The following MACROD2 variants were observed in gnomAD, a reference collection of about 807,000 sequenced individuals.
MACROD2 encodes ADP-ribose glycohydrolase MACROD2.
A neutral mutation model predicts 70.4 loss-of-function variants in MACROD2; 36 were observed. The ratio of observed to expected loss-of-function variants is 0.51; its 90% CI spans 0.39 to 0.68. The LOEUF (loss-of-function observed/expected upper bound fraction) is 0.68, where lower values mean the gene tolerates loss of function less well. Among genes scored for constraint, MACROD2 ranks in the 30% least tolerant of loss-of-function variants. MACROD2 has a pLI of 0.00. For missense variants in MACROD2, 496 were observed against 538.4 expected, an observed-to-expected ratio of 0.92 and a Z score of 0.78; for synonymous variants, 172 against 178.8, an observed-to-expected ratio of 0.96 and a Z score of 0.30.
At chr20:14,752,670 A>T (rs2071888981) in intron 5 of MACROD2, among the ~76,000 whole-genome samples, 1 of 152,112 alleles carries the variant, frequency 6.6e-6, no homozygotes, top group African/African-American at 2.4e-5. Context: ...CATTGAATGG[A>T]TAGAGGTAAA....
intron 8 of MACROD2, among the ~76,000 whole-genome samples, chr20:15,785,796 A>G (rs1385383779): frequency 6.6e-6 from 1 of 152,292 alleles, no homozygotes; most frequent in East Asian, 1.9e-4. Flanking sequence ...TCTGCACAAA[A>G]TAGCCACCCT....
chr20:15,767,403 T>A (rs1263477573), intron 8 of MACROD2, among the ~76,000 whole-genome samples: 2 of 152,206 alleles, frequency 1.3e-5, no homozygotes, highest in East Asian at 1.9e-4. Flanking sequence ...TTTATTGCAA[T>A]AATTTCCTGG....
rs559978516 is a variant in MACROD2, at chr20:14,972,755, ACT to A, written c.419-257180_419-257179del. ...GAGGAGTGCTTACAATTTCCATCTT[ACT>A]CTCTGCACATGAAGAGAATTCTGGA... is the stretch of plus-strand genomic sequence containing the variant. On this transcript the variant is annotated intron_variant, in intron 5 of 17. Transcript: ENST00000684519. Among the ~76,000 whole-genome samples, 21 of 152,238 alleles carry A rather than the reference ACT, an allele frequency of 1.4e-4. No homozygotes were observed. The South Asian group carries it at 4.4e-3, about 32-fold the overall frequency.
chr20:14,355,932 C>T (rs2083168258), intron 3 of MACROD2, among the ~76,000 whole-genome samples: 1 of 152,076 alleles, frequency 6.6e-6, no homozygotes, highest in Admixed American at 6.6e-5. Flanking sequence ...GGTAGTGTGT[C>T]TTTCCCGATA....
chr20:14,563,807 C>G lies in MACROD2; in HGVS notation c.301+70299C>G, dbSNP rs115692875. 8.2e-3 allele frequency among the ~76,000 whole-genome samples: 1,249 copies of G among 152,004 alleles called. 15 individuals carry two copies. The highest frequency in any genetic ancestry group is 0.028 in the African/African-American group (1,149 of 41,484). ...TGACAGTCAAGCTATGCAATCCTATCAAATTACCAACATCGTTTTTCCCAG... is the reference window on the plus strand; with the variant it reads ...TGACAGTCAAGCTATGCAATCCTATGAAATTACCAACATCGTTTTTCCCAG... On this transcript the variant is annotated intron_variant, in intron 4 of 17. Transcript: ENST00000684519.
intron 6 of MACROD2, among the ~76,000 whole-genome samples, chr20:15,345,115 G>T (rs2078151005): frequency 6.6e-6 from 1 of 152,152 alleles, no homozygotes. Flanking sequence ...TAATTAATGA[G>T]AGCTCTATCC....
chr20:15,430,764 A>C (rs1028495883), intron 6 of MACROD2, among the ~76,000 whole-genome samples: 1 of 151,956 alleles, frequency 6.6e-6, no homozygotes, highest in African/African-American at 2.4e-5. Flanking sequence ...CACAATTTAC[A>C]TATAATAATA....
chr20:14,728,430 A>G (rs1949979352), intron 5 of MACROD2, among the ~76,000 whole-genome samples: 1 of 152,196 alleles, frequency 6.6e-6, no homozygotes. Flanking sequence ...ATGCAATTTT[A>G]TATAGCATAC....
intron 3 of MACROD2, among the ~76,000 whole-genome samples, chr20:14,274,686 A>G (rs181343620): frequency 3.2e-4 from 48 of 152,284 alleles, no homozygotes; most frequent in African/African-American, 1.2e-3. Context: ...GTATTCAATT[A>G]GGAAAAGAGG....
At chr20:14,205,980 A>G (rs2081519597) in intron 3 of MACROD2, among the ~76,000 whole-genome samples, 1 of 152,232 alleles carries the variant, frequency 6.6e-6, no homozygotes, top group Admixed American at 6.5e-5. Flanking sequence ...GACAGTGCTT[A>G]TAGGAGTAAC....
intron 2 of MACROD2, among the ~76,000 whole-genome samples, chr20:14,003,189 T>C (rs1053424385): frequency 2.0e-5 from 3 of 152,188 alleles, no homozygotes; most frequent in African/African-American, 7.2e-5. Flanking sequence ...CTTAGATCGA[T>C]GGAACTACAC....
At chr20:15,743,985 A>G (rs1455527329) in intron 8 of MACROD2, among the ~76,000 whole-genome samples, 2 of 152,190 alleles carry the variant, frequency 1.3e-5, no homozygotes, top group Non-Finnish European at 2.9e-5. Flanking sequence ...GCACACAAGA[A>G]GCACCCCAGC....
chr20:15,089,758 G>A (rs1283030463), intron 5 of MACROD2, among the ~76,000 whole-genome samples: 1 of 151,948 alleles, frequency 6.6e-6, no homozygotes, highest in Non-Finnish European at 1.5e-5. Context: ...CAGTTTGCTG[G>A]TTGTGATTTC....
At chr20:15,201,957 T>C (rs2076660173) in intron 5 of MACROD2, among the ~76,000 whole-genome samples, 1 of 152,182 alleles carries the variant, frequency 6.6e-6, no homozygotes, top group Non-Finnish European at 1.5e-5. Context: ...TTGGCATGTG[T>C]ATAAAATACA....
rs140065254 is a variant in MACROD2, at chr20:15,076,894, G to A, written c.419-153046G>A. Among the ~76,000 whole-genome samples, 7 of 152,280 alleles carry A rather than the reference G, an allele frequency of 4.6e-5. No homozygotes were observed. In the East Asian group the frequency reaches 9.6e-4, roughly 21 times the overall value. On this transcript the variant is annotated intron_variant, in intron 5 of 17. Transcript: ENST00000684519. The stretch of plus-strand genomic sequence containing the variant: ...GAATTAGTGAATGAATGCAATGAAT[G>A]AGAATGCAATATCTGGTAGTTCAGA...
intron 11 of MACROD2, among the ~76,000 whole-genome samples, chr20:15,936,671 G>GTGTATATATATATATATATATATA (rs1555797416): frequency 2.4e-4 from 35 of 143,286 alleles, no homozygotes; most frequent in African/African-American, 5.7e-4. Context: ...GTATATGTGT[G>GTGTATATATATATATATATATATA]TATATATATA....
At chr20:14,454,632 T>C (rs2084279666) in intron 3 of MACROD2, among the ~76,000 whole-genome samples, 1 of 151,850 alleles carries the variant, frequency 6.6e-6, no homozygotes, top group South Asian at 2.1e-4. Flanking sequence ...TTTATCATTA[T>C]CAGATTTTTA....
At chr20:14,157,712 A>G (rs2055123845) in intron 3 of MACROD2, among the ~76,000 whole-genome samples, 1 of 152,184 alleles carries the variant, frequency 6.6e-6, no homozygotes, top group Admixed American at 6.5e-5. Flanking sequence ...ATTTCACTTA[A>G]CATAATGACC....
intron 3 of MACROD2, among the ~76,000 whole-genome samples, chr20:14,207,165 T>A (rs2081530847): frequency 6.6e-6 from 1 of 152,074 alleles, no homozygotes; most frequent in Admixed American, 6.5e-5. Context: ...GAGTGCAATT[T>A]CAGCTCACTG....
Sources: gnomAD v4.1 joint callset for allele counts (sites outside exome capture counted in the v4.1 genomes callset) on GRCh38, gnomAD v4.1.1 for gene constraint, MANE v1.5 for transcripts, NCBI Gene and HGNC (gene_info 2026-07-23, HGNC 2026-07-21) for gene names.